Variants in SAMD12 observed in about 807,000 individuals in gnomAD.
SAMD12 encodes the protein sterile alpha motif domain containing 12, also known as sterile alpha motif domain-containing protein 12.
In SAMD12, 9 loss-of-function variants were observed where a neutral mutation model predicts 15.0. That is an observed-to-expected ratio of 0.60 (90% CI 0.36 to 1.05). The LOEUF (loss-of-function observed/expected upper bound fraction) is 1.05. Ranked by LOEUF, SAMD12 falls within the 50% of genes least tolerant of loss-of-function variation. The probability of loss-of-function intolerance (pLI) is 0.01; values close to 1 mark genes in which losing one functional copy is unlikely to be tolerated. For missense variants in SAMD12, 230 were observed against 234.2 expected, an observed-to-expected ratio of 0.98 and a Z score of 0.12; for synonymous variants, 86 against 90.1, an observed-to-expected ratio of 0.96 and a Z score of 0.25.
intron 2 of SAMD12, among the ~76,000 whole-genome samples, chr8:118,549,010 A>G (rs1467479700): frequency 6.6e-6 from 1 of 152,260 alleles, no homozygotes; most frequent in African/African-American, 2.4e-5. Context: ...TGCTTAGGTA[A>G]ACGAAGCAGC....
chr8:118,338,530 C>T (rs994186848), intron 4 of SAMD12, among the ~76,000 whole-genome samples: 5 of 152,172 alleles, frequency 3.3e-5, no homozygotes, highest in African/African-American at 1.2e-4. Flanking sequence ...AATGTTTTCT[C>T]CTCAAAATGT....
At chr8:118,542,403 A>G (rs1826009763) in intron 2 of SAMD12, among the ~76,000 whole-genome samples, 2 of 152,250 alleles carry the variant, frequency 1.3e-5, no homozygotes, top group Non-Finnish European at 2.9e-5. Context: ...AAATATTCAC[A>G]AGATCACAAT....
chr8:118,203,411 G>C (rs1444684226), intron 4 of SAMD12, among the ~76,000 whole-genome samples: 1 of 149,704 alleles, frequency 6.7e-6, no homozygotes, highest in Non-Finnish European at 1.5e-5. Context: ...TGTGTGTCGA[G>C]GGAGAGGCAG....
Position 118,378,418 on chromosome 8 carries a change from T to G in SAMD12, c.*999A>C. Reference sequence around the variant, plus strand: ...CTTAGTATACCAGTAAATTCACCATTGGAAATCTCTGAGGACAAAATGCAA... The same window carrying G: ...CTTAGTATACCAGTAAATTCACCATGGGAAATCTCTGAGGACAAAATGCAA... On this transcript the variant is annotated 3_prime_UTR_variant, in exon 4 of 4. Coordinates refer to ENST00000314727, the MANE Select transcript of SAMD12 (RefSeq NM_207506.3). 1.0e-6 allele frequency: 1 copy of G among 977,902 alleles called. No individual in the cohort carries two copies. Among genetic ancestry groups the G allele is most frequent in the Middle Eastern group, 5.3e-4 (1 of 1,900 alleles). The allele number at this position is 977,902 out of a possible 1,614,324, so 60.6% of individuals were successfully genotyped here.
intron 3 of SAMD12, among the ~76,000 whole-genome samples, chr8:118,382,353 C>T (rs1174736783): frequency 6.6e-6 from 1 of 152,156 alleles, no homozygotes; most frequent in African/African-American, 2.4e-5. Flanking sequence ...CGTTAGAACA[C>T]AGTGTTAAGG....
At chr8:118,573,337 C>T (rs1214698412) in intron 2 of SAMD12, among the ~76,000 whole-genome samples, 2 of 152,152 alleles carry the variant, frequency 1.3e-5, no homozygotes, top group African/African-American at 4.8e-5. Context: ...CTACCCATCT[C>T]GGCCTCCCAA....
chr8:118,580,439 C>T (rs1827264436), intron 2 of SAMD12, among the ~76,000 whole-genome samples: 1 of 152,156 alleles, frequency 6.6e-6, no homozygotes, highest in Non-Finnish European at 1.5e-5. Flanking sequence ...CTGAGCCTGG[C>T]AGGTGAATCT....
chr8:118,140,715 CCT>C, the SAMD12 span, among the ~76,000 whole-genome samples: 1 of 152,192 alleles, frequency 6.6e-6, no homozygotes, highest in Non-Finnish European at 1.5e-5. Flanking sequence ...CATTTTCTAG[CCT>C]CTTTTGCAGT....
chr8:118,230,435 C>A (rs1413478281), intron 4 of SAMD12, among the ~76,000 whole-genome samples: 2 of 152,034 alleles, frequency 1.3e-5, no homozygotes, highest in African/African-American at 4.8e-5. Context: ...CCTAAACAAT[C>A]CAGAGGACAT....
At chr8:118,390,067 C>A (rs1214927252) in intron 3 of SAMD12, among the ~76,000 whole-genome samples, 2 of 152,010 alleles carry the variant, frequency 1.3e-5, no homozygotes, top group African/African-American at 4.8e-5. Flanking sequence ...AGTGCAGTGG[C>A]ACGATCTTGG....
intron 1 of SAMD12, among the ~76,000 whole-genome samples, chr8:118,587,946 G>T (rs144770429): frequency 6.6e-6 from 1 of 152,122 alleles, no homozygotes; most frequent in Non-Finnish European, 1.5e-5. Flanking sequence ...CTAGTAAAAT[G>T]TTCTGGTCTG....
intron 2 of SAMD12, among the ~76,000 whole-genome samples, chr8:118,520,189 A>G (rs1825350793): frequency 6.6e-6 from 1 of 152,216 alleles, no homozygotes; most frequent in Admixed American, 6.5e-5. Context: ...TCATAAAACC[A>G]TACTCTGAAG....
chr8:118,556,253 T>C (rs55791185), intron 2 of SAMD12, among the ~76,000 whole-genome samples: 9,147 of 152,308 alleles, frequency 0.06, 330 homozygotes, highest in Non-Finnish European at 0.083. Flanking sequence ...ATGATTCTTT[T>C]GTATTCTCAA....
At chr8:118,303,295 A>G (rs1302037758) in intron 4 of SAMD12, among the ~76,000 whole-genome samples, 1 of 152,202 alleles carries the variant, frequency 6.6e-6, no homozygotes, top group Non-Finnish European at 1.5e-5. Context: ...GGAGTCTTCA[A>G]ATGAATGGTA....
chr8:118,540,144 G>T (rs6984080), intron 2 of SAMD12, among the ~76,000 whole-genome samples: 50,405 of 151,956 alleles, frequency 0.33, 8,705 homozygotes, highest in Admixed American at 0.4. Context: ...CACACTTTCA[G>T]CTGTTCCAGA....
At chr8:118,570,671 C>A (rs940204432) in intron 2 of SAMD12, among the ~76,000 whole-genome samples, 2 of 152,044 alleles carry the variant, frequency 1.3e-5, no homozygotes, top group Admixed American at 6.6e-5. Context: ...AATGAACATA[C>A]GTGTATCTTT....
At chr8:118,442,123 G>A (rs1421598605) in intron 2 of SAMD12, among the ~76,000 whole-genome samples, 1 of 152,184 alleles carries the variant, frequency 6.6e-6, no homozygotes, top group Non-Finnish European at 1.5e-5. Context: ...ATCATAAACA[G>A]TTGTCTAATA....
the SAMD12 span, among the ~76,000 whole-genome samples, chr8:118,143,908 C>G: frequency 6.6e-6 from 1 of 152,170 alleles, no homozygotes; most frequent in Admixed American, 6.5e-5. Context: ...CAAATTATCA[C>G]AAACTTGCTA....
chr8:118,375,588 GCT>G (rs1819344912), downstream of SAMD12: 1 of 152,048 alleles, frequency 6.6e-6, no homozygotes. Flanking sequence ...ACATATCTTA[GCT>G]CCCTTAATTC....
Sources: gnomAD v4.1 joint callset for allele counts (sites outside exome capture counted in the v4.1 genomes callset) on GRCh38, gnomAD v4.1.1 for gene constraint, MANE v1.5 for transcripts, NCBI Gene and HGNC (gene_info 2026-07-23, HGNC 2026-07-21) for gene names.